FNDC7: variants seen among roughly 807,000 people sequenced by gnomAD.
FNDC7 encodes the protein fibronectin type III domain containing 7, also known as fibronectin type III domain-containing protein 7.
A neutral mutation model predicts 74.2 loss-of-function variants in FNDC7; 66 were observed. The ratio of observed to expected loss-of-function variants is 0.89; its 90% CI spans 0.73 to 1.09. FNDC7 has a LOEUF of 1.09. Among genes scored for constraint, FNDC7 ranks in the 50% least tolerant of loss-of-function variants. FNDC7 has a pLI of 0.00. For synonymous variants in FNDC7, 307 were observed against 330.2 expected, an observed-to-expected ratio of 0.93 and a Z score of 0.76; for missense variants, 829 against 893.4, an observed-to-expected ratio of 0.93 and a Z score of 0.92.
chr1:108,740,515 A>G lies in FNDC7; in HGVS notation c.2171-1258A>G, dbSNP rs139165047. 4.0e-3 allele frequency among the ~76,000 whole-genome samples: 605 copies of G among 151,942 alleles called. 6 individuals are homozygous for G. The highest frequency in any genetic ancestry group is 0.014 in the African/African-American group (588 of 41,444). On this transcript the variant is annotated intron_variant, in intron 11 of 12. Transcript: ENST00000370017. ...GCTAATTTTTGTATTTTTAGCAGAG[A>G]TGGGGTTTCACTATGTTGGCCAGGC...
In FNDC7 at chr1:108,727,876, C is replaced by T. The variant is rs1661252470; in HGVS notation, c.1180C>T (p.Pro394Ser). 2.5e-6 allele frequency: 4 copies of T among 1,614,058 alleles called. No individual in the cohort carries two copies. Among genetic ancestry groups the T allele is most frequent in the South Asian group, 1.1e-5 (1 of 91,076 alleles). Residue 394 changes from proline (P) to serine (S), a missense_variant, in exon 7 of 13, where the codon CCT becomes TCT. By Grantham distance (74) the Pro-to-Ser change is moderately conservative. Coordinates refer to ENST00000370017, the MANE Select transcript of FNDC7 (RefSeq NM_001144937.3). ...TGACAGAGTTGAGATTGTCTGGTCT[C>T]CTGTCCGTGGTGCCGAACTGTATGA... ...SSDRVEIVWS[P>S]VRGAELYETK...
intron 2 of FNDC7, 54 bp downstream of exon 2, chr1:108,713,583 AT>A: frequency 6.8e-7 from 1 of 1,468,456 alleles, no homozygotes; most frequent in Non-Finnish European, 9.2e-7. Flanking sequence ...TTTAATTTCC[AT>A]TGTTAATTCA....
intron 7 of FNDC7, 56 bp from the exon 8 acceptor site, chr1:108,728,576 G>A (rs12759087): frequency 0.013 from 20,139 of 1,601,264 alleles, 173 homozygotes; most frequent in Non-Finnish European, 0.014. Flanking sequence ...AGACCAAATG[G>A]CACATGTGAT....
chr1:108,725,860 G>A lies in FNDC7; in HGVS notation c.967G>A (p.Asp323Asn), dbSNP rs761293624. ...GDYYVVFVKS[D>N]DGLEVHCNTS... ...CTACTATGTGGTCTTTGTGAAGAGTGATGATGGCTTGGAAGTACACTGCAA... is the reference window on the plus strand; with the variant it reads ...CTACTATGTGGTCTTTGTGAAGAGTAATGATGGCTTGGAAGTACACTGCAA... Residue 323 changes from aspartate (D) to asparagine (N), a missense_variant, in exon 6 of 13, where the codon GAT becomes AAT. Asp to Asn is a conservative substitution (Grantham distance 23). Transcript: ENST00000370017. The A allele has an allele frequency of 1.2e-6, 2 of 1,614,034 alleles. No homozygotes were observed. Among genetic ancestry groups the A allele is most frequent in the Non-Finnish European group, 1.7e-6 (2 of 1,179,986 alleles).
intron 11 of FNDC7, among the ~76,000 whole-genome samples, chr1:108,740,377 G>C: frequency 6.9e-6 from 1 of 144,012 alleles, no homozygotes; most frequent in Non-Finnish European, 1.5e-5. Context: ...ATCCAGGCTG[G>C]AGTGCAGTGG....
At chr1:108,728,415 T>C (rs17026815) in intron 7 of FNDC7, among the ~76,000 whole-genome samples, 34,033 of 152,122 alleles carry the variant, frequency 0.22, 4,113 homozygotes, top group African/African-American at 0.3. Context: ...TCACAATGCT[T>C]TTAAACATTT....
chr1:108,730,050 G>A (rs892815356), intron 8 of FNDC7, among the ~76,000 whole-genome samples: 5 of 152,190 alleles, frequency 3.3e-5, no homozygotes, highest in African/African-American at 7.2e-5. Context: ...TGGGAGAAGT[G>A]AAAGCAACCG....
chr1:108,738,162 C>T (rs1377349411), intron 11 of FNDC7, among the ~76,000 whole-genome samples: 3 of 152,120 alleles, frequency 2.0e-5, no homozygotes, highest in African/African-American at 7.2e-5. Flanking sequence ...CATGGAGTAG[C>T]CAGGAGTTAG....
At chr1:108,719,162 C>G in intron 4 of FNDC7, 113 bp downstream of exon 4, 1 of 1,192,536 alleles carries the variant, frequency 8.4e-7, no homozygotes, top group Non-Finnish European at 1.2e-6. Context: ...CAGCTGGCAA[C>G]AGCTATTTAA....
intron 9 of FNDC7, 93 bp from the exon 10 acceptor site, chr1:108,733,179 T>C (rs943171034): frequency 6.8e-6 from 10 of 1,465,916 alleles, no homozygotes; most frequent in Non-Finnish European, 9.3e-6. Context: ...TAGACTAGTT[T>C]GCTTATATTT....
At chr1:108,741,717 A>G in intron 11 of FNDC7, 56 bp from the exon 12 acceptor site, 1 of 1,574,602 alleles carries the variant, frequency 6.4e-7, no homozygotes, top group East Asian at 2.2e-5. Flanking sequence ...GCTTTTTAAG[A>G]AAATGTCTGC....
chr1:108,729,171 A>G (rs999733234), intron 8 of FNDC7, among the ~76,000 whole-genome samples: 1 of 152,256 alleles, frequency 6.6e-6, no homozygotes, highest in African/African-American at 2.4e-5. Flanking sequence ...GATATAATCT[A>G]TCGAAACAGC....
In FNDC7 at chr1:108,737,494, G is replaced by A; in HGVS notation, c.2141-1G>A. 1 of 1,587,044 alleles carries A rather than the reference G, an allele frequency of 6.3e-7. No individual in the cohort carries two copies. The highest frequency in any genetic ancestry group is 8.6e-7 in the Non-Finnish European group (1 of 1,169,132). ...TTTAAATGCTTGTGTTTTTATTACAGTAACTTGCTCTGGAAGTACACTTGG... is the reference window on the plus strand; with the variant it reads ...TTTAAATGCTTGTGTTTTTATTACAATAACTTGCTCTGGAAGTACACTTGG... On this transcript the variant is annotated splice_acceptor_variant, in intron 10 of 12. Coordinates refer to ENST00000370017, the MANE Select transcript of FNDC7 (RefSeq NM_001144937.3). LOFTEE classifies it high-confidence loss of function.
intron 11 of FNDC7, among the ~76,000 whole-genome samples, chr1:108,740,568 TC>T (rs945431566): frequency 8.5e-5 from 13 of 152,154 alleles, no homozygotes; most frequent in African/African-American, 3.1e-4. Flanking sequence ...ACTCATGCGA[TC>T]CACCTGCCTT....
intron 10 of FNDC7, among the ~76,000 whole-genome samples, chr1:108,736,963 C>CTTTTTTTTTTTTTTTTTT (rs1173562405): frequency 1.0e-5 from 1 of 99,408 alleles, no homozygotes; most frequent in Non-Finnish European, 1.9e-5. Flanking sequence ...GCTTGGCATT[C>CTTTTTTTTTTTTTTTTTT]TTTTTTTTTT....
rs1208000672 is a variant in FNDC7, at chr1:108,725,789, C to A, written c.896C>A (p.Pro299His). 2 of 1,614,104 alleles carry A rather than the reference C, an allele frequency of 1.2e-6. No homozygotes were observed. Reference sequence around the variant, plus strand: ...GGAAGAGTGACGATCCAAGAAGATCCCCCTGGCCACCTGTCTGTGGCTTGG... The same window carrying A: ...GGAAGAGTGACGATCCAAGAAGATCACCCTGGCCACCTGTCTGTGGCTTGG... ...APGRVTIQED[P>H]PGHLSVAWSS... is the part of the protein sequence containing the mutation. The change falls in exon 6 of 13, where the codon CCC becomes CAC. Residue 299 changes from proline to histidine, a missense_variant. Transcript: ENST00000370017.
Position 108,728,639 on chromosome 1 carries a change from C to T in FNDC7, c.1377C>T (p.Cys459=), listed in dbSNP as rs1484275756. The change falls in exon 8 of 13, where the codon TGC becomes TGT. Residue 459 remains cysteine, a synonymous_variant. Coordinates refer to ENST00000370017, the MANE Select transcript of FNDC7 (RefSeq NM_001144937.3). ...TACTCTAAAATGTCTTAGCTCCTTG[C>T]AGTCCTGAAATAAAAAATGTTTCAA... is the stretch of plus-strand genomic sequence containing the variant. The part of the protein sequence containing the change: ...CTPQFITTAP[C]SPEIKNVSRD... The T allele has an allele frequency of 4.3e-6, 7 of 1,614,188 alleles. No individual in the cohort carries two copies. In the East Asian group the frequency reaches 1.6e-4, roughly 36 times the overall value.
rs1290504562 is a variant in FNDC7 at position 108,718,028 on chromosome 1, A to G, written c.334A>G (p.Thr112Ala). 1 of 1,551,252 alleles carries G rather than the reference A, an allele frequency of 6.4e-7. No homozygotes were observed. The highest frequency in any genetic ancestry group is 1.4e-5 in the African/African-American group (1 of 73,048). ...SQASPPKQAK[T>A]VLAAPILEVS... Reference sequence around the variant, plus strand: ...GGCGTCACCTCCAAAGCAGGCAAAGACAGGTGGCTGGATGGATGCTCATCC... The same window carrying G: ...GGCGTCACCTCCAAAGCAGGCAAAGGCAGGTGGCTGGATGGATGCTCATCC... The change falls in exon 3 of 13, where the codon ACA becomes GCA. Residue 112 changes from threonine to alanine, a missense_variant. Transcript: ENST00000370017.
At chr1:108,717,674 C>A in intron 2 of FNDC7, 103 bp from the exon 3 acceptor site, 1 of 1,253,888 alleles carries the variant, frequency 8.0e-7, no homozygotes, top group Non-Finnish European at 1.1e-6. Flanking sequence ...AAACTTCTGT[C>A]TGAAGGAAGG....
Sources: gnomAD v4.1 joint callset for allele counts (sites outside exome capture counted in the v4.1 genomes callset) on GRCh38, gnomAD v4.1.1 for gene constraint, MANE v1.5 for transcripts, NCBI Gene and HGNC (gene_info 2026-07-23, HGNC 2026-07-21) for gene names.